Variants in PLGRKT observed in about 807,000 individuals in gnomAD.
The protein encoded by PLGRKT is plasminogen receptor with a C-terminal lysine, also known as plasminogen receptor (KT).
In PLGRKT, 22 loss-of-function variants were observed where a neutral mutation model predicts 18.5. The ratio of observed to expected loss-of-function variants is 1.19; its 90% CI spans 0.85 to 1.70. PLGRKT has a LOEUF of 1.70. PLGRKT is among the 40% of genes most tolerant of loss of function. PLGRKT has a pLI of 0.00. For synonymous variants in PLGRKT, 72 were observed against 52.8 expected, an observed-to-expected ratio of 1.36 and a Z score of -1.58; for missense variants, 235 against 174.4, an observed-to-expected ratio of 1.35 and a Z score of -1.96.
intron 3 of PLGRKT, among the ~76,000 whole-genome samples, chr9:5,403,858 G>C (rs1270888203): frequency 1.3e-5 from 2 of 152,178 alleles, no homozygotes; most frequent in African/African-American, 4.8e-5. Context: ...GCCTCTGCCT[G>C]TTCATAGGTT....
At chr9:5,436,984 G>C (rs1049549370) in intron 1 of PLGRKT, among the ~76,000 whole-genome samples, 1 of 152,100 alleles carries the variant, frequency 6.6e-6, no homozygotes, top group Non-Finnish European at 1.5e-5. Context: ...AAAAAAAAAT[G>C]TCTTGCTACT....
At chr9:5,421,909 A>C (rs994130573) in intron 3 of PLGRKT, among the ~76,000 whole-genome samples, 1 of 152,234 alleles carries the variant, frequency 6.6e-6, no homozygotes, top group Non-Finnish European at 1.5e-5. Context: ...ACAACTGATT[A>C]AAGAGTTTAT....
rs901125123 is a variant in PLGRKT at position 5,437,924 on chromosome 9, T to A, written c.-268A>T. 6.6e-6 allele frequency: 1 copy of A among 152,230 alleles called. No individual in the cohort carries two copies. The highest frequency in any genetic ancestry group is 1.5e-5 in the Non-Finnish European group (1 of 68,074). The allele number at this position is 152,230 out of a possible 1,614,324, so 9.4% of individuals were successfully genotyped here. A position where few individuals can be genotyped will look rare whatever the true frequency, so the allele number is the denominator to read the frequency against. On this transcript the variant is annotated 5_prime_UTR_variant, in exon 1 of 6. Transcript: ENST00000223864. ...GCCCAGACACAGTAGATGACGCACC[T>A]CAGCCAATTCGCGCAGCCCTCAGCT...
intron 2 of PLGRKT, among the ~76,000 whole-genome samples, chr9:5,432,641 G>A (rs1818852427): frequency 6.6e-6 from 1 of 152,130 alleles, no homozygotes; most frequent in African/African-American, 2.4e-5. Context: ...GGGATTCCAG[G>A]CACGCGCCAC....
chr9:5,424,653 A>T (rs1318620985), intron 3 of PLGRKT, among the ~76,000 whole-genome samples: 1 of 92,968 alleles, frequency 1.1e-5, no homozygotes, highest in Admixed American at 1.1e-4. Context: ...ATTATATATA[A>T]TATAATTATA....
At chr9:5,365,892 T>C (rs1483118816) in intron 3 of PLGRKT, among the ~76,000 whole-genome samples, 1 of 152,134 alleles carries the variant, frequency 6.6e-6, no homozygotes, top group Admixed American at 6.5e-5. Flanking sequence ...CTGTTAAGAA[T>C]AAAGGCAATC....
chr9:5,381,976 C>T, intron 3 of PLGRKT: 1 of 985,268 alleles, frequency 1.0e-6, no homozygotes, highest in Non-Finnish European at 1.2e-6. Context: ...GCACAAGGCA[C>T]TCCTCCCCTG....
chr9:5,365,557 C>T (rs748463370), intron 3 of PLGRKT, among the ~76,000 whole-genome samples: 2 of 152,070 alleles, frequency 1.3e-5, no homozygotes, highest in Non-Finnish European at 2.9e-5. Context: ...GAAAGGGCAG[C>T]GTGAGGGATG....
At chr9:5,373,834 C>T (rs559356452) in intron 3 of PLGRKT, among the ~76,000 whole-genome samples, 39 of 151,786 alleles carry the variant, frequency 2.6e-4, no homozygotes, top group Admixed American at 9.8e-4. Context: ...GGGGACAGAA[C>T]AGGAAGCTAA....
At chr9:5,392,071 A>G (rs1817959982) in intron 3 of PLGRKT, among the ~76,000 whole-genome samples, 1 of 151,982 alleles carries the variant, frequency 6.6e-6, no homozygotes. Context: ...TGTGTGAGGC[A>G]GCAACAAGGC....
intron 3 of PLGRKT, among the ~76,000 whole-genome samples, chr9:5,396,971 C>A (rs1347841751): frequency 6.6e-6 from 1 of 151,890 alleles, no homozygotes; most frequent in East Asian, 1.9e-4. Context: ...TTCACAGTGA[C>A]AATAAAGGCA....
intron 3 of PLGRKT, among the ~76,000 whole-genome samples, chr9:5,383,234 C>G (rs184953270): frequency 4.6e-5 from 7 of 152,290 alleles, no homozygotes; most frequent in South Asian, 2.1e-4. Flanking sequence ...CTAGAGCCTT[C>G]AGAGAGACGG....
chr9:5,367,030 TACACACACACAC>T (rs56259718), intron 3 of PLGRKT, among the ~76,000 whole-genome samples: 4 of 112,312 alleles, frequency 3.6e-5, no homozygotes, highest in Non-Finnish European at 7.9e-5. Context: ...TACACACACA[TACACACACACAC>T]ACACACACAC....
intron 3 of PLGRKT, chr9:5,382,167 T>G (rs1275410337): frequency 3.6e-6 from 1 of 279,570 alleles, no homozygotes; most frequent in Non-Finnish European, 5.4e-6. Context: ...TTGCCATCCA[T>G]TCATGGAGAG....
chr9:5,396,742 C>G (rs1199925511), intron 3 of PLGRKT, among the ~76,000 whole-genome samples: 1 of 151,964 alleles, frequency 6.6e-6, no homozygotes, highest in Non-Finnish European at 1.5e-5. Context: ...AAACAGTTTT[C>G]TCTTCTAGCT....
rs1160381450 is a variant in PLGRKT, at chr9:5,431,960, T to C, written c.18A>G (p.Ser6=). 2.0e-6 allele frequency: 3 copies of C among 1,527,680 alleles called. No individual in the cohort carries two copies. The highest frequency in any genetic ancestry group is 2.7e-6 in the Non-Finnish European group (3 of 1,102,778). 94.6% of individuals were successfully genotyped at this position (1,527,680 alleles called of 1,614,324 possible). The change falls in exon 3 of 6, where the codon TCA becomes TCG. Residue 6 remains serine (S), a synonymous_variant. Transcript: ENST00000223864. Reference sequence around the variant, plus strand: ...TTTTCATGCTTTCATTCATAGATTTTGAAAATATAAACCCCATTTTGACCT... The same window carrying C: ...TTTTCATGCTTTCATTCATAGATTTCGAAAATATAAACCCCATTTTGACCT... MGFIF[S]KSMNESMKNQ...
intron 4 of PLGRKT, 70 bp from the exon 5 acceptor site, chr9:5,361,257 GA>G (rs545562923): frequency 2.1e-4 from 169 of 787,850 alleles, no homozygotes; most frequent in Admixed American, 2.6e-4. Context: ...TATACTTAAA[GA>G]AAAAAAAATA....
intron 3 of PLGRKT, among the ~76,000 whole-genome samples, chr9:5,365,094 C>T (rs887864865): frequency 2.7e-5 from 4 of 146,450 alleles, no homozygotes; most frequent in East Asian, 4.0e-4. Context: ...CCCAGAAACA[C>T]CCAGACATGA....
At chr9:5,394,339 G>A (rs1354818805) in intron 3 of PLGRKT, among the ~76,000 whole-genome samples, 1 of 151,806 alleles carries the variant, frequency 6.6e-6, no homozygotes, top group Non-Finnish European at 1.5e-5. Context: ...TCAGGTGCAG[G>A]GAAATGAAGA....
Sources: gnomAD v4.1 joint callset for allele counts (sites outside exome capture counted in the v4.1 genomes callset) on GRCh38, gnomAD v4.1.1 for gene constraint, MANE v1.5 for transcripts, NCBI Gene and HGNC (gene_info 2026-07-23, HGNC 2026-07-21) for gene names.